TEX14: variants seen among roughly 807,000 people sequenced by gnomAD.
TEX14 encodes inactive serine/threonine-protein kinase TEX14.
Under a neutral mutation model 178.6 loss-of-function variants are expected in TEX14, and 168 were observed. That is an observed-to-expected ratio of 0.94 (90% confidence interval 0.83 to 1.07). The LOEUF is 1.07. Among genes scored for constraint, TEX14 ranks in the 50% least tolerant of loss-of-function variants. The pLI, the probability that TEX14 is intolerant of heterozygous loss-of-function variation, is 0.00. For synonymous variants in TEX14, 626 were observed against 634.1 expected, an observed-to-expected ratio of 0.99 and a Z score of 0.19; for missense variants, 1,730 against 1,753.6, an observed-to-expected ratio of 0.99 and a Z score of 0.24.
intron 22 of TEX14, 40 bp downstream of exon 22, chr17:58,574,147 T>C (rs1475032590): frequency 6.5e-7 from 1 of 1,527,712 alleles, no homozygotes; most frequent in Non-Finnish European, 9.1e-7. Context: ...AACCAAGACT[T>C]TACACAAGCA....
chr17:58,585,683 T>C (rs2044945269), intron 18 of TEX14, 118 bp downstream of exon 18: 2 of 711,628 alleles, frequency 2.8e-6, no homozygotes, highest in African/African-American at 1.9e-5. Context: ...CCCAAATTCC[T>C]GGGCTCAGGT....
chr17:58,595,689 C>T (rs2045262351), intron 14 of TEX14, among the ~76,000 whole-genome samples: 2 of 152,180 alleles, frequency 1.3e-5, no homozygotes, highest in African/African-American at 4.8e-5. Flanking sequence ...CCTTCTTGCC[C>T]AGTCCAACCT....
rs2044466638 is a variant in TEX14 at position 58,569,171 on chromosome 17, T to C, written c.3886+21A>G. ...TAACTAACAGGGCCGAGAAGTATAT[T>C]CTGTATTGAACATCTCTTACCAATG... is the stretch of plus-strand genomic sequence containing the variant. On this transcript the variant is annotated intron_variant, in intron 26 of 31. Coordinates refer to ENST00000349033, the MANE Select transcript of TEX14 (RefSeq NM_031272.5). This position sits in a 1 kb window ranked among gnomAD's most constrained non-coding sequence, Gnocchi z 4.1. 6.2e-7 allele frequency: 1 copy of C among 1,601,636 alleles called. No homozygotes were observed. Among genetic ancestry groups the C allele is most frequent in the Non-Finnish European group, 8.6e-7 (1 of 1,168,832 alleles).
In TEX14 at chr17:58,681,477, T is replaced by C. The variant is rs73329042; in HGVS notation, c.-2+10462A>G. ...TTTCAAAGAAGTATTATGTAATATA[T>C]ATATACATACACACATATGTATATG... is the stretch of plus-strand genomic sequence containing the variant. On this transcript the variant is annotated intron_variant, in intron 1 of 31. Transcript: ENST00000349033. Among the ~76,000 whole-genome samples, 1,401 of 152,262 alleles carry C rather than the reference T, an allele frequency of 9.2e-3. 25 individuals carry two copies. Among genetic ancestry groups the C allele is most frequent in the African/African-American group, 0.031 (1,295 of 41,558 alleles).
intron 7 of TEX14, 138 bp downstream of exon 7, chr17:58,616,037 G>T: frequency 2.0e-6 from 2 of 1,005,486 alleles, no homozygotes; most frequent in Non-Finnish European, 1.4e-6. Context: ...TGTCCTGGCT[G>T]AGAAACCCTG....
intron 2 of TEX14, among the ~76,000 whole-genome samples, chr17:58,644,247 G>A (rs1220889042): frequency 6.6e-6 from 1 of 152,176 alleles, no homozygotes; most frequent in East Asian, 1.9e-4. Context: ...CTGAAGAACT[G>A]GGAGGGTGGA....
At chr17:58,594,636 A>C (rs1453810822) in intron 14 of TEX14, among the ~76,000 whole-genome samples, 2 of 152,276 alleles carry the variant, frequency 1.3e-5, no homozygotes, top group East Asian at 1.9e-4. Flanking sequence ...TACAGGCGTG[A>C]GACACCGCAC....
Position 58,560,301 on chromosome 17 carries a change from A to G in TEX14, c.4158-739T>C, listed in dbSNP as rs1432640829. ...TGAGAGAGAAAATAAAGCCAGCTAGAGTGAAGAGAGATTTTTTCCCCTCTT... is the reference window on the plus strand; with the variant it reads ...TGAGAGAGAAAATAAAGCCAGCTAGGGTGAAGAGAGATTTTTTCCCCTCTT... On this transcript the variant is annotated intron_variant, in intron 29 of 31. Transcript: ENST00000349033. 3.9e-5 allele frequency among the ~76,000 whole-genome samples: 6 copies of G among 152,200 alleles called. No homozygotes were observed. In the East Asian group the frequency reaches 7.7e-4, roughly 20 times the overall value.
intron 2 of TEX14, among the ~76,000 whole-genome samples, chr17:58,641,399 TAAAAC>T (rs1168726073): frequency 2.6e-5 from 4 of 151,796 alleles, no homozygotes; most frequent in Non-Finnish European, 4.4e-5. Context: ...ACAAGACTCT[TAAAAC>T]AAAACAAAAC....
chr17:58,589,557 C>CAAAAA (rs71143254), intron 15 of TEX14, among the ~76,000 whole-genome samples: 1 of 56,468 alleles, frequency 1.8e-5, no homozygotes, highest in African/African-American at 6.6e-5. Context: ...GACTCCGTCT[C>CAAAAA]AAAAAAAAAA....
intron 26 of TEX14, among the ~76,000 whole-genome samples, chr17:58,568,854 G>A (rs1263934928): frequency 6.6e-6 from 1 of 152,136 alleles, no homozygotes; most frequent in African/African-American, 2.4e-5. Flanking sequence ...CAAAGGAATG[G>A]CTGGTTTGGT....
intron 14 of TEX14, among the ~76,000 whole-genome samples, chr17:58,594,715 G>C (rs2045239025): frequency 6.6e-6 from 1 of 152,054 alleles, no homozygotes; most frequent in African/African-American, 2.4e-5. Context: ...AAATAAGAAT[G>C]ATAATACCTA....
chr17:58,667,211 G>A (rs1027748812), intron 1 of TEX14, among the ~76,000 whole-genome samples: 1 of 152,138 alleles, frequency 6.6e-6, no homozygotes, highest in Non-Finnish European at 1.5e-5. Context: ...AGGGGAACAG[G>A]GCATGCTAGC....
chr17:58,682,478 G>A (rs1402383042), intron 1 of TEX14, among the ~76,000 whole-genome samples: 2 of 151,708 alleles, frequency 1.3e-5, no homozygotes, highest in African/African-American at 2.4e-5. Flanking sequence ...GGCTGGTCTC[G>A]AACTCCTGAC....
At chr17:58,631,722 A>G (rs951512938) in intron 2 of TEX14, 26 of 148,188 alleles carry the variant, frequency 1.8e-4, no homozygotes, top group Non-Finnish European at 3.0e-5. Flanking sequence ...AAACACTGCT[A>G]TCCCACTCGT....
At chr17:58,570,613 CTCCTTT>C in intron 24 of TEX14, 129 bp from the exon 25 acceptor site, 1 of 361,366 alleles carries the variant, frequency 2.8e-6, no homozygotes, top group Non-Finnish European at 4.7e-6. Context: ...TCTGGGAAGC[CTCCTTT>C]TTTTTTTTTT....
At chr17:58,602,288 G>T in intron 12 of TEX14, 112 bp downstream of exon 12, 1 of 1,017,712 alleles carries the variant, frequency 9.8e-7, no homozygotes. Context: ...GTAATAAAAT[G>T]AGGATTTCCA....
Position 58,605,178 on chromosome 17 carries a change from T to TATTC in TEX14, c.1185-53_1185-50dup, listed in dbSNP as rs112721240. The TATTC allele has an allele frequency of 2.2e-3, 3,405 of 1,570,650 alleles. 53 individuals carry two copies. The African/African-American group carries it at 0.033, about 15-fold the overall frequency. On this transcript the variant is annotated intron_variant, in intron 10 of 31. Transcript: ENST00000349033. ...AGCGCTCATGCCTTAAAGGGTCTTT[T>TATTC]ATTCATTCATTCATTCATTCATTCT... is the stretch of plus-strand genomic sequence containing the variant.
rs1038522053 is a variant in TEX14 at position 58,621,650 on chromosome 17, C to G, written c.554G>C (p.Gly185Ala). ...SPSWCGGLVQ[G>A]NPNGSPNRLL... The stretch of plus-strand genomic sequence containing the variant: ...CCACTCTGCTCAAGGCAGTACTCAC[C>G]CCTGCACGAGGCCCCCACACCAGGA... Residue 185 changes from glycine to alanine, a missense_variant and splice_region_variant, in exon 5 of 32, where the codon GGA becomes GCA. Physicochemically the swap from Gly to Ala is moderately conservative, Grantham distance 60. This residue lies in a region of TEX14 where 789 missense variants were observed against 681.2 expected (regional missense o/e 1.16). Transcript: ENST00000349033. 16 of 1,612,834 alleles carry G rather than the reference C, an allele frequency of 9.9e-6. No homozygotes were observed. The highest frequency in any genetic ancestry group is 1.3e-5 in the Non-Finnish European group (15 of 1,179,452).
Sources: gnomAD v4.1 joint callset for allele counts (sites outside exome capture counted in the v4.1 genomes callset) on GRCh38, gnomAD v4.1.1 for gene constraint, gnomAD v4.1.1 regional missense constraint, Gnocchi (gnomAD v3.1) non-coding constraint, MANE v1.5 for transcripts, NCBI Gene and HGNC (gene_info 2026-07-23, HGNC 2026-07-21) for gene names.